Variants in CNGB3 observed in about 807,000 individuals in gnomAD.
The protein encoded by CNGB3 is cyclic nucleotide-gated channel beta-3.
A neutral mutation model predicts 92.8 loss-of-function variants in CNGB3; 86 were observed. The observed-to-expected ratio is 0.93, with a 90% CI of 0.78 to 1.11. CNGB3 has a LOEUF of 1.11. Among genes scored for constraint, CNGB3 ranks in the 50% least tolerant of loss-of-function variants. The pLI, the probability that CNGB3 is intolerant of heterozygous loss-of-function variation, is 0.00. For synonymous variants in CNGB3, 333 were observed against 332.7 expected, an observed-to-expected ratio of 1.00 and a Z score of -0.01; for missense variants, 1,026 against 956.8, an observed-to-expected ratio of 1.07 and a Z score of -0.95.
intron 3 of CNGB3, among the ~76,000 whole-genome samples, chr8:86,674,959 G>GTTGTTT (rs1313191764): frequency 6.6e-6 from 1 of 151,292 alleles, no homozygotes; most frequent in Non-Finnish European, 1.5e-5. Flanking sequence ...TGTTGTTGTT[G>GTTGTTT]TTGTTGTTGT....
At chr8:86,706,524 T>G (rs1468823123) in intron 3 of CNGB3, among the ~76,000 whole-genome samples, 1 of 152,212 alleles carries the variant, frequency 6.6e-6, no homozygotes, top group Non-Finnish European at 1.5e-5. Context: ...TGGCCACCAG[T>G]TGGATCTTAA....
At chr8:86,693,657 A>G (rs1188433394) in intron 3 of CNGB3, among the ~76,000 whole-genome samples, 2 of 151,122 alleles carry the variant, frequency 1.3e-5, no homozygotes, top group East Asian at 2.0e-4. Context: ...CTTAACGAGC[A>G]TGCTGCCTTC....
intron 3 of CNGB3, among the ~76,000 whole-genome samples, chr8:86,718,977 A>G (rs1197267818): frequency 2.0e-5 from 3 of 152,056 alleles, no homozygotes; most frequent in Non-Finnish European, 4.4e-5. Flanking sequence ...CAATTGCTTT[A>G]TGATTAAAAC....
chr8:86,621,129 C>A (rs961239780), intron 13 of CNGB3, among the ~76,000 whole-genome samples: 4 of 152,184 alleles, frequency 2.6e-5, no homozygotes, highest in Non-Finnish European at 4.4e-5. Flanking sequence ...CTGATATCTT[C>A]TCAAATAGGA....
At chr8:86,577,132 AAG>A (rs3077256) in intron 17 of CNGB3, among the ~76,000 whole-genome samples, 2,901 of 151,352 alleles carry the variant, frequency 0.019, 95 homozygotes, top group African/African-American at 0.066. Flanking sequence ...ACCAAAAAAA[AAG>A]AGAGAGAGAG....
chr8:86,594,165 CTCCAACGATCA>C, intron 15 of CNGB3: 1 of 278,048 alleles, frequency 3.6e-6, no homozygotes, highest in Non-Finnish European at 7.2e-6. Flanking sequence ...GGGAATGTGT[CTCCAACGATCA>C]CCCACTGGGG....
intron 6 of CNGB3, chr8:86,658,011 C>A: frequency 3.7e-6 from 2 of 546,378 alleles, no homozygotes; most frequent in Non-Finnish European, 7.1e-6. Context: ...TTTCCATCTG[C>A]TCCTTCAGGT....
At chr8:86,726,909 T>C (rs538772578) in intron 2 of CNGB3, among the ~76,000 whole-genome samples, 2 of 152,280 alleles carry the variant, frequency 1.3e-5, no homozygotes, top group Admixed American at 6.5e-5. Flanking sequence ...AATGCATTGT[T>C]AGGTGACTTA....
chr8:86,616,282 A>C (rs944735252), intron 13 of CNGB3, among the ~76,000 whole-genome samples: 3 of 152,212 alleles, frequency 2.0e-5, no homozygotes, highest in Non-Finnish European at 4.4e-5. Context: ...TTTAAGTTTC[A>C]CCAATTAAGT....
chr8:86,579,086 T>C lies in CNGB3; in HGVS notation c.1928+20A>G, dbSNP rs776900618. The C allele has an allele frequency of 1.2e-6, 2 of 1,614,102 alleles. No homozygotes were observed. The highest frequency in any genetic ancestry group is 8.5e-7 in the Non-Finnish European group (1 of 1,179,936). ...TAAAACCAACTCCATCCATCTCTAA[T>C]GGTGTTTTAAAGGTTGTACCTGGCT... On this transcript the variant is annotated intron_variant, in intron 16 of 17. Transcript: ENST00000320005.
intron 3 of CNGB3, among the ~76,000 whole-genome samples, chr8:86,674,304 C>T (rs1823921778): frequency 6.6e-6 from 1 of 152,202 alleles, no homozygotes. Context: ...AAACCCACCT[C>T]ATGGTTAAAA....
At chr8:86,692,124 G>A (rs1213429350) in intron 3 of CNGB3, among the ~76,000 whole-genome samples, 2 of 152,112 alleles carry the variant, frequency 1.3e-5, no homozygotes, top group Non-Finnish European at 2.9e-5. Flanking sequence ...TAAATTTATT[G>A]AGACTTGTTT....
chr8:86,609,314 C>T (rs541806838), intron 14 of CNGB3, among the ~76,000 whole-genome samples: 15 of 152,292 alleles, frequency 9.8e-5, no homozygotes, highest in African/African-American at 3.4e-4. Flanking sequence ...CACCACTGCC[C>T]CCAAGGGGTT....
intron 3 of CNGB3, among the ~76,000 whole-genome samples, chr8:86,694,592 C>T (rs1175812081): frequency 2.0e-5 from 3 of 151,116 alleles, no homozygotes; most frequent in South Asian, 2.1e-4. Flanking sequence ...ACGGGGCGGC[C>T]GGGCAGAGAC....
rs1821689784 is a variant in CNGB3, at chr8:86,577,972, T to C, written c.2103+717A>G. 2.0e-5 allele frequency among the ~76,000 whole-genome samples: 3 copies of C among 152,178 alleles called. No individual in the cohort carries two copies. The South Asian group carries it at 6.2e-4, about 32-fold the overall frequency. On this transcript the variant is annotated intron_variant, in intron 17 of 17. Coordinates refer to ENST00000320005, the MANE Select transcript of CNGB3 (RefSeq NM_019098.5). The stretch of plus-strand genomic sequence containing the variant: ...TCGCCCAGGCTGGAGTGCAGTGTTG[T>C]GATCTCGGCTCACTACAACCTTTGC...
At chr8:86,607,569 T>C (rs115836732) in intron 14 of CNGB3, among the ~76,000 whole-genome samples, 36 of 152,292 alleles carry the variant, frequency 2.4e-4, no homozygotes, top group African/African-American at 8.4e-4. Flanking sequence ...CACTAGGAGC[T>C]TGTTTAGAGG....
chr8:86,652,074 GTATAT>G (rs1415209802), intron 7 of CNGB3, among the ~76,000 whole-genome samples: 2 of 151,864 alleles, frequency 1.3e-5, no homozygotes, highest in African/African-American at 4.8e-5. Context: ...AGCATGCTCT[GTATAT>G]TACAGTATAT....
chr8:86,710,817 A>C (rs1215119929), intron 3 of CNGB3, among the ~76,000 whole-genome samples: 1 of 152,178 alleles, frequency 6.6e-6, no homozygotes, highest in African/African-American at 2.4e-5. Flanking sequence ...TAAAATATAA[A>C]AGTGATTCTT....
rs374231222 is a variant in CNGB3 at position 86,688,110 on chromosome 8, G to A, written c.339-17012C>T. 1.5e-4 allele frequency among the ~76,000 whole-genome samples: 23 copies of A among 152,054 alleles called. No homozygotes were observed. In the East Asian group the frequency reaches 2.1e-3, roughly 14 times the overall value. On this transcript the variant is annotated intron_variant, in intron 3 of 17. Transcript: ENST00000320005. ...CTATGGGATGAAAATGAACAGAAGCGTGAGGGTATGAAGGAGTTTGGATCT... is the reference window on the plus strand; with the variant it reads ...CTATGGGATGAAAATGAACAGAAGCATGAGGGTATGAAGGAGTTTGGATCT...
Sources: allele counts gnomAD v4.1 joint callset (sites outside exome capture counted in the v4.1 genomes callset), GRCh38; gene constraint gnomAD v4.1.1; transcripts MANE v1.5; gene names NCBI Gene and HGNC (gene_info 2026-07-23, HGNC 2026-07-21).